FAM117A: variants seen among roughly 807,000 people sequenced by gnomAD.
The protein encoded by FAM117A is protein FAM117A.
FAM117A carries 21 observed loss-of-function variants against 44.1 expected under a neutral mutation model. The ratio of observed to expected loss-of-function variants is 0.48; its 90% CI spans 0.34 to 0.69. The LOEUF (loss-of-function observed/expected upper bound fraction) is 0.69, where lower values mean the gene tolerates loss of function less well. FAM117A is among the 30% of genes least tolerant of loss of function. The pLI is 0.01. For synonymous variants in FAM117A, 220 were observed against 238.3 expected (o/e 0.92, Z 0.71); for missense variants, 498 against 589.9 (o/e 0.84, Z 1.61).
upstream of FAM117A, among the ~76,000 whole-genome samples, chr17:49,766,158 A>T (rs1216841546): frequency 6.6e-6 from 1 of 152,242 alleles, no homozygotes; most frequent in East Asian, 1.9e-4. Context: ...GACTTCAGGG[A>T]GAAATACAGT....
At chr17:49,742,409 T>C (rs2073638473) in intron 1 of FAM117A, among the ~76,000 whole-genome samples, 1 of 152,220 alleles carries the variant, frequency 6.6e-6, no homozygotes, top group Non-Finnish European at 1.5e-5. Context: ...CCAAAGTCTA[T>C]GTGTGTATAT....
chr17:49,776,464 C>T (rs1445503052), intron 1 of FAM117A, among the ~76,000 whole-genome samples: 2 of 152,154 alleles, frequency 1.3e-5, no homozygotes, highest in Non-Finnish European at 2.9e-5. Flanking sequence ...GCCCTAAAGA[C>T]TCTAGAGCTC....
chr17:49,741,503 A>T (rs1333854031), intron 1 of FAM117A, among the ~76,000 whole-genome samples: 1 of 152,176 alleles, frequency 6.6e-6, no homozygotes, highest in African/African-American at 2.4e-5. Flanking sequence ...CATATTATAC[A>T]TGCTTTTCTA....
chr17:49,745,093 CAGTT>C (rs577926547), intron 1 of FAM117A, among the ~76,000 whole-genome samples: 7 of 151,298 alleles, frequency 4.6e-5, no homozygotes, highest in East Asian at 1.9e-4. Flanking sequence ...TTTTAATACT[CAGTT>C]GGTAGAACTC....
At chr17:49,717,391 C>G in intron 6 of FAM117A, 122 bp downstream of exon 6, 1 of 735,604 alleles carries the variant, frequency 1.4e-6, no homozygotes, top group Non-Finnish European at 2.2e-6. Context: ...AAAGATGACT[C>G]ATAAAGATAT....
chr17:49,739,464 C>T (rs1391069105), intron 1 of FAM117A, among the ~76,000 whole-genome samples: 2 of 152,136 alleles, frequency 1.3e-5, no homozygotes, highest in African/African-American at 4.8e-5. Context: ...GTTCTGCTGC[C>T]CAATGAGATT....
intron 1 of FAM117A, among the ~76,000 whole-genome samples, chr17:49,736,718 G>A (rs560836873): frequency 9.2e-5 from 14 of 152,292 alleles, no homozygotes; most frequent in African/African-American, 3.1e-4. Flanking sequence ...TGGGCCCAGG[G>A]TTAAAATCTG....
intron 1 of FAM117A, among the ~76,000 whole-genome samples, chr17:49,733,144 A>G (rs970001816): frequency 4.6e-5 from 7 of 152,202 alleles, no homozygotes; most frequent in Non-Finnish European, 8.8e-5. Flanking sequence ...TCCTCCCTCC[A>G]GCACCTTTGC....
In FAM117A at chr17:49,711,589, C is replaced by T. The variant is rs73335250; in HGVS notation, c.1062-34G>A. ...TGAAGAGAGACACACAAGACACATA[C>T]GTACACACAGAGAGAAACAGACAGC... On this transcript the variant is annotated intron_variant, in intron 7 of 7. Transcript: ENST00000240364. 1.7e-3 allele frequency: 2,697 copies of T among 1,596,486 alleles called. 42 individuals carry two copies. In the African/African-American group the frequency reaches 0.031, roughly 18 times the overall value.
At chr17:49,714,627 T>A (rs1032536308) in intron 7 of FAM117A, among the ~76,000 whole-genome samples, 11 of 151,516 alleles carry the variant, frequency 7.3e-5, no homozygotes, top group Non-Finnish European at 1.3e-4. Context: ...CGTGAGCCAC[T>A]GCACCCAGCT....
chr17:49,775,748 C>A (rs559301290), intron 1 of FAM117A, among the ~76,000 whole-genome samples: 1 of 152,288 alleles, frequency 6.6e-6, no homozygotes, highest in South Asian at 2.1e-4. Context: ...AGCCTGTATT[C>A]TGCTGGGGTA....
intron 1 of FAM117A, among the ~76,000 whole-genome samples, chr17:49,734,525 G>A (rs2073601822): frequency 6.6e-6 from 1 of 152,234 alleles, no homozygotes; most frequent in Non-Finnish European, 1.5e-5. Context: ...CTGGGAGGCA[G>A]ACCTTGCAGT....
Position 49,711,051 on chromosome 17 carries a change from C to A in FAM117A, c.*204G>T. The A allele has an allele frequency of 1.9e-6, 1 of 526,452 alleles. No homozygotes were observed. Among genetic ancestry groups the A allele is most frequent in the Non-Finnish European group, 3.3e-6 (1 of 301,366 alleles). The allele number at this position is 526,452 out of a possible 1,614,324, so 32.6% of individuals were successfully genotyped here. A position where few individuals can be genotyped will look rare whatever the true frequency, so the allele number is the denominator to read the frequency against. ...GTGTGAATTGTGAGCTGCCCAGCTACTAGTGGAGAAGGCAGGTCCCATCAC... is the reference window on the plus strand; with the variant it reads ...GTGTGAATTGTGAGCTGCCCAGCTAATAGTGGAGAAGGCAGGTCCCATCAC... On this transcript the variant is annotated 3_prime_UTR_variant, in exon 8 of 8. Coordinates refer to ENST00000240364, the MANE Select transcript of FAM117A (RefSeq NM_030802.4).
Position 49,711,339 on chromosome 17 carries a change from C to T in FAM117A, c.1278G>A (p.Lys426=). ...PPPRKDPEAS[K]ASPLPFEPWQ... ...ATGGCTCGAATGGCAGTGGGGAGGC[C>T]TTGGAGGCTTCCGGATCCTTCCGAG... Residue 426 remains lysine, a synonymous_variant, in exon 8 of 8, where the codon AAG becomes AAA. Transcript: ENST00000240364. The T allele has an allele frequency of 6.2e-7, 1 of 1,609,688 alleles. No individual in the cohort carries two copies. Among genetic ancestry groups the T allele is most frequent in the Non-Finnish European group, 8.5e-7 (1 of 1,177,524 alleles).
intron 1 of FAM117A, among the ~76,000 whole-genome samples, chr17:49,781,649 G>C (rs1251249311): frequency 6.6e-6 from 1 of 152,164 alleles, no homozygotes; most frequent in Non-Finnish European, 1.5e-5. Context: ...GAGGACTCTA[G>C]GGAAACACAG....
intron 2 of FAM117A, among the ~76,000 whole-genome samples, chr17:49,731,956 T>C (rs2073587242): frequency 6.6e-6 from 1 of 152,094 alleles, no homozygotes; most frequent in Non-Finnish European, 1.5e-5. Flanking sequence ...CAGCTAATTT[T>C]TGTATTTTTA....
chr17:49,745,025 A>C (rs2073649418), intron 1 of FAM117A, among the ~76,000 whole-genome samples: 1 of 151,214 alleles, frequency 6.6e-6, no homozygotes, highest in Non-Finnish European at 1.5e-5. Flanking sequence ...AAAAAAAAAA[A>C]AAAAAAAACA....
At chr17:49,743,501 G>A (rs1049262301) in intron 1 of FAM117A, among the ~76,000 whole-genome samples, 9 of 152,166 alleles carry the variant, frequency 5.9e-5, no homozygotes, top group African/African-American at 2.2e-4. Context: ...AGGCTGAGGC[G>A]GGCGGATCAC....
At chr17:49,782,732 A>T (rs1185282358) in intron 1 of FAM117A, among the ~76,000 whole-genome samples, 1 of 150,432 alleles carries the variant, frequency 6.6e-6, no homozygotes, top group Non-Finnish European at 1.5e-5. Context: ...CGGCAATGAG[A>T]TTAAGGATGT....
Sources: allele counts gnomAD v4.1 joint callset (sites outside exome capture counted in the v4.1 genomes callset), GRCh38; gene constraint gnomAD v4.1.1; transcripts MANE v1.5; gene names NCBI Gene and HGNC (gene_info 2026-07-23, HGNC 2026-07-21).